ZMYND8: variants seen among roughly 807,000 people sequenced by gnomAD.
ZMYND8 encodes zinc finger MYND-type containing 8.
In ZMYND8, 37 loss-of-function variants were observed where a neutral mutation model predicts 140.8. That is an observed-to-expected ratio of 0.26 (90% confidence interval 0.20 to 0.35). The LOEUF is 0.35. Ranked by LOEUF, ZMYND8 falls within the 10% of genes least tolerant of loss-of-function variation. The probability of loss-of-function intolerance (pLI) is 1.00; values close to 1 mark genes in which losing one functional copy is unlikely to be tolerated. For synonymous variants in ZMYND8, 592 were observed against 597.1 expected, an observed-to-expected ratio of 0.99 and a Z score of 0.12; for missense variants, 1,068 against 1,570.0, an observed-to-expected ratio of 0.68 and a Z score of 5.40.
intron 2 of ZMYND8, among the ~76,000 whole-genome samples, chr20:47,339,066 A>G (rs1481020191): frequency 6.9e-6 from 1 of 144,660 alleles, no homozygotes; most frequent in East Asian, 2.0e-4. Context: ...TCTGCCTCCC[A>G]GGTTCATGCC....
chr20:47,220,082 A>G (rs930310489), intron 21 of ZMYND8, among the ~76,000 whole-genome samples, 176 bp downstream of exon 21: 4 of 152,192 alleles, frequency 2.6e-5, no homozygotes, highest in African/African-American at 9.6e-5. Context: ...GGTACCTGAA[A>G]GTTAACATGC....
chr20:47,298,418 C>T lies in ZMYND8; in HGVS notation c.453+311G>A, dbSNP rs2077786046. ...ATCTTTTCAAAATGTGTGAGCCGTT[C>T]ATGATTTGGGAGTTAACTTTCAAAA... On this transcript the variant is annotated intron_variant, in intron 4 of 22. Transcript: ENST00000471951. This position sits in a 1 kb window ranked among gnomAD's most constrained non-coding sequence, Gnocchi z 5.0. 6.1e-6 allele frequency: 6 copies of T among 985,286 alleles called. No homozygotes were observed. Among genetic ancestry groups the T allele is most frequent in the Non-Finnish European group, 7.2e-6 (6 of 829,940 alleles). The allele number at this position is 985,286 out of a possible 1,614,324, so 61.0% of individuals were successfully genotyped here.
chr20:47,269,847 A>G (rs1329406952), intron 11 of ZMYND8, among the ~76,000 whole-genome samples: 1 of 152,238 alleles, frequency 6.6e-6, no homozygotes, highest in Non-Finnish European at 1.5e-5. Context: ...GGTGCCATGC[A>G]CAGATGAGCA....
At position 47,248,234 on chromosome 20, in the gene ZMYND8, T is replaced by C. The variant is rs115079922; in HGVS notation, c.1774+1053A>G. On this transcript the variant is annotated intron_variant, in intron 13 of 22. Coordinates refer to ENST00000471951, the MANE Select transcript of ZMYND8 (RefSeq NM_001281775.3). ...TCTATATGCAGTGCTTAGCATAGTG[T>C]CCAAGGAAACACTCAGTAAATGGAA... is the stretch of plus-strand genomic sequence containing the variant. Among the ~76,000 whole-genome samples the C allele has an allele frequency of 4.0e-3, 606 of 152,304 alleles. 3 individuals are homozygous for C. Among genetic ancestry groups the C allele is most frequent in the African/African-American group, 0.013 (553 of 41,570 alleles).
chr20:47,356,294 C>CAG (rs1409178957), intron 1 of ZMYND8: 263 of 1,148,298 alleles, frequency 2.3e-4, no homozygotes, highest in South Asian at 5.2e-4. Context: ...GGGAACTGCT[C>CAG]AGAGAGAGAG....
intron 12 of ZMYND8, among the ~76,000 whole-genome samples, chr20:47,253,282 AC>A (rs2074332494): frequency 6.6e-6 from 1 of 152,144 alleles, no homozygotes; most frequent in Admixed American, 6.5e-5. Flanking sequence ...CATGCCTGTA[AC>A]CCCAGCACTT....
At chr20:47,351,603 G>A (rs2082786122) in intron 1 of ZMYND8, 1 of 919,990 alleles carries the variant, frequency 1.1e-6, no homozygotes, top group African/African-American at 1.8e-5. Context: ...TTACAAAATA[G>A]TGAACATCAA....
rs747505717 is a variant in ZMYND8, at chr20:47,239,158, AAAAC to A, written c.2285-24_2285-21del. Reference sequence around the variant, plus strand: ...CTACAACTAGCCAATGCATGAAGAAAAAACAAACAAAAACCGGATTTCACTCAGG... The same window carrying A: ...CTACAACTAGCCAATGCATGAAGAAAAAACAAAAACCGGATTTCACTCAGG... On this transcript the variant is annotated intron_variant, in intron 14 of 22. Transcript: ENST00000471951. 6 of 1,484,828 alleles carry A rather than the reference AAAAC, an allele frequency of 4.0e-6. No homozygotes were observed. Among genetic ancestry groups the A allele is most frequent in the East Asian group, 2.3e-5 (1 of 43,664 alleles). The allele number at this position is 1,484,828 out of a possible 1,614,324, so 92.0% of individuals were successfully genotyped here.
At chr20:47,265,068 A>ATATATATGTATATATATATATATATG (rs1555948705) in intron 11 of ZMYND8, among the ~76,000 whole-genome samples, 1 of 144,494 alleles carries the variant, frequency 6.9e-6, no homozygotes, top group Non-Finnish European at 1.5e-5. Flanking sequence ...ATATATATAT[A>ATATATATGTATATATATATATATATG]GGCATTTTAA....
intron 19 of ZMYND8, among the ~76,000 whole-genome samples, chr20:47,222,208 C>G (rs563622224): frequency 6.6e-6 from 1 of 152,310 alleles, no homozygotes; most frequent in Non-Finnish European, 1.5e-5. Flanking sequence ...CCCAGAGAAT[C>G]TGGAGATGGC....
At position 47,210,881 on chromosome 20, in the gene ZMYND8, A is replaced by G. The variant is rs775537571; in HGVS notation, c.3585T>C (p.Asn1195=). 1 of 1,613,974 alleles carries G rather than the reference A, an allele frequency of 6.2e-7. No homozygotes were observed. The highest frequency in any genetic ancestry group is 1.1e-5 in the South Asian group (1 of 91,076). ...CATCACTGCTGCTCCAACTGGATTTATTACTCCGGGAATGGTCTGAGGGGG... is the reference window on the plus strand; with the variant it reads ...CATCACTGCTGCTCCAACTGGATTTGTTACTCCGGGAATGGTCTGAGGGGG... ...YPAQKYHSRS[N]KSSWSSSDEK... The change falls in exon 23 of 23, where the codon AAT becomes AAC. Residue 1195 remains asparagine (N), a synonymous_variant. Transcript: ENST00000471951.
intron 3 of ZMYND8, among the ~76,000 whole-genome samples, chr20:47,307,179 G>A (rs1039474812): frequency 6.6e-6 from 1 of 152,032 alleles, no homozygotes; most frequent in Non-Finnish European, 1.5e-5. Flanking sequence ...GGCCAGGCAC[G>A]GTGGCTCATG....
intron 12 of ZMYND8, among the ~76,000 whole-genome samples, chr20:47,256,392 A>G (rs894041140): frequency 8.5e-5 from 13 of 152,122 alleles, no homozygotes; most frequent in South Asian, 6.2e-4. Context: ...GGCCGAGGCG[A>G]GTGGATCACG....
chr20:47,324,402 C>A (rs2148387878), intron 2 of ZMYND8, among the ~76,000 whole-genome samples: 1 of 151,930 alleles, frequency 6.6e-6, no homozygotes, highest in African/African-American at 2.4e-5. Context: ...GCCTGTAATC[C>A]CACCTACTCG....
chr20:47,212,645 T>G lies in ZMYND8; in HGVS notation c.3565A>C (p.Lys1189Gln). 6.2e-7 allele frequency: 1 copy of G among 1,613,782 alleles called. No individual in the cohort carries two copies. The highest frequency in any genetic ancestry group is 8.5e-7 in the Non-Finnish European group (1 of 1,179,810). Residue 1189 changes from lysine (K) to glutamine (Q), a missense_variant, in exon 22 of 23, where the codon AAG becomes CAG. By Grantham distance (53) the Lys-to-Gln change is moderately conservative. Coordinates refer to ENST00000471951, the MANE Select transcript of ZMYND8 (RefSeq NM_001281775.3). ...CGTAAGACAGGTTCATACTTACACT[T>G]CTGGGCGGGGTAGTTGGGGTGCGGC... ...HQPHPNYPAQ[K>Q]YHSRSNKSSW...
chr20:47,321,852 C>T (rs563475645), intron 2 of ZMYND8, among the ~76,000 whole-genome samples: 4 of 147,946 alleles, frequency 2.7e-5, no homozygotes, highest in East Asian at 1.9e-4. Context: ...TAAAACTCGC[C>T]GCCCTTTTTT....
At chr20:47,349,908 T>C (rs576589459) in intron 1 of ZMYND8, 5 of 1,535,466 alleles carry the variant, frequency 3.3e-6, no homozygotes, top group East Asian at 2.4e-5. Context: ...GTATTGATCA[T>C]GGAGGAAGGC....
chr20:47,225,980 G>A (rs188096835), intron 18 of ZMYND8, among the ~76,000 whole-genome samples: 8 of 151,752 alleles, frequency 5.3e-5, no homozygotes, highest in East Asian at 2.0e-4. Context: ...CTGAAACCCC[G>A]TCTCTACTAA....
chr20:47,303,003 ACTCTAACACC>A (rs1232146531), intron 3 of ZMYND8, among the ~76,000 whole-genome samples: 1 of 152,040 alleles, frequency 6.6e-6, no homozygotes, highest in African/African-American at 2.4e-5. Context: ...TTCCAGTAAT[ACTCTAACACC>A]CTCACACACG....
Sources: allele counts gnomAD v4.1 joint callset (sites outside exome capture counted in the v4.1 genomes callset), GRCh38; gene constraint gnomAD v4.1.1; non-coding constraint Gnocchi (gnomAD v3.1); transcripts MANE v1.5; gene names NCBI Gene and HGNC (gene_info 2026-07-23, HGNC 2026-07-21).